The following TFCP2 variants were observed in gnomAD, a reference collection of about 807,000 sequenced individuals.
The protein encoded by TFCP2 is alpha-globin transcription factor CP2.
A neutral mutation model predicts 73.4 loss-of-function variants in TFCP2; 33 were observed. The observed-to-expected ratio is 0.45, with a 90% CI of 0.34 to 0.60. The LOEUF (loss-of-function observed/expected upper bound fraction) is 0.60. Ranked by LOEUF, TFCP2 falls within the 20% of genes least tolerant of loss-of-function variation. TFCP2 has a pLI of 0.01. For missense variants in TFCP2, 352 were observed against 604.0 expected (o/e 0.58, Z 4.37); for synonymous variants, 193 against 211.6 (o/e 0.91, Z 0.76).
intron 1 of TFCP2, among the ~76,000 whole-genome samples, chr12:51,132,954 G>A (rs7960097): frequency 0.1 from 15,136 of 152,104 alleles, 869 homozygotes; most frequent in African/African-American, 0.16. Context: ...AGAACTGCAC[G>A]GTCAATCCAC....
At chr12:51,117,851 TTATTAG>T in intron 2 of TFCP2, 104 bp from the exon 3 acceptor site, 1 of 682,782 alleles carries the variant, frequency 1.5e-6, no homozygotes, top group East Asian at 2.8e-5. Flanking sequence ...TATAATAATA[TTATTAG>T]TATTAGTAAC....
chr12:51,133,803 T>C (rs1387180136), intron 1 of TFCP2, among the ~76,000 whole-genome samples: 1 of 151,900 alleles, frequency 6.6e-6, no homozygotes, highest in Admixed American at 6.6e-5. Context: ...GGCAGGTGCC[T>C]GTAGGTTACT....
At chr12:51,124,748 G>T in intron 1 of TFCP2, 1 of 741,174 alleles carries the variant, frequency 1.3e-6, no homozygotes, top group Non-Finnish European at 2.5e-6. Flanking sequence ...CAGAGATCAC[G>T]GCTGCCTTTT....
intron 8 of TFCP2, among the ~76,000 whole-genome samples, chr12:51,105,714 A>G (rs1940219362): frequency 1.3e-5 from 2 of 152,158 alleles, no homozygotes; most frequent in South Asian, 2.1e-4. Context: ...TACAACTAAT[A>G]CCTACTTTTA....
At position 51,103,316 on chromosome 12, in the gene TFCP2, T is replaced by C. The variant is rs1940155628; in HGVS notation, c.1060+354A>G. 2.0e-5 allele frequency among the ~76,000 whole-genome samples: 3 copies of C among 152,186 alleles called. No individual in the cohort carries two copies. In the South Asian group the frequency reaches 6.2e-4, roughly 32 times the overall value. ...AGAAAAAAAAAGCTAAATAAAAGTG[T>C]ATTGTGTAAATGAAATAAATTATAG... On this transcript the variant is annotated intron_variant, in intron 10 of 14. Transcript: ENST00000257915.
chr12:51,139,747 C>T (rs911285074), intron 1 of TFCP2, among the ~76,000 whole-genome samples: 1 of 108,776 alleles, frequency 9.2e-6, no homozygotes, highest in Non-Finnish European at 2.0e-5. Context: ...CCTTGGGGTC[C>T]ACCTGCTCTC....
rs1290699234 is a variant in TFCP2, at chr12:51,098,775, C to T, written c.1419+1G>A. On this transcript the variant is annotated splice_donor_variant, in intron 13 of 14. Coordinates refer to ENST00000257915, the MANE Select transcript of TFCP2 (RefSeq NM_005653.5). LOFTEE classifies it high-confidence loss of function. ...TAATTCAACTGTACTGAAAAATCTA[C>T]CTCATCACTGATGAGCACATGAATT... 1 of 1,613,954 alleles carries T rather than the reference C, an allele frequency of 6.2e-7. No homozygotes were observed. Among genetic ancestry groups the T allele is most frequent in the Non-Finnish European group, 8.5e-7 (1 of 1,179,974 alleles).
chr12:51,109,261 TA>T lies in TFCP2; in HGVS notation c.576del (p.Ser193AlafsTer6), dbSNP rs1940334414. 6.2e-7 allele frequency: 1 copy of T among 1,614,058 alleles called. No homozygotes were observed. Among genetic ancestry groups the T allele is most frequent in the African/African-American group, 1.3e-5 (1 of 74,932 alleles). On this transcript the variant is annotated frameshift_variant, in exon 6 of 15. Transcript: ENST00000257915. LOFTEE classifies it high-confidence loss of function. ...RTSVFIQVHCISTEFTMRKHG... is the reference protein window; with the variant it reads ...RTSVFIQVHCXSTEFTMRKHG... ...TGTTTCCTCATAGTGAACTCTGTGC[TA>T]ATACAGTGCACCTGAAAAGAATACA...
At chr12:51,157,162 T>C (rs1317413933) in intron 1 of TFCP2, among the ~76,000 whole-genome samples, 1 of 151,994 alleles carries the variant, frequency 6.6e-6, no homozygotes, top group African/African-American at 2.4e-5. Context: ...ATTACAGGCA[T>C]GTGCCACTAC....
intron 1 of TFCP2, among the ~76,000 whole-genome samples, chr12:51,158,500 G>GTTTTT (rs1285566470): frequency 6.6e-6 from 1 of 151,804 alleles, no homozygotes; most frequent in African/African-American, 2.4e-5. Context: ...TTGTTTGTTT[G>GTTTTT]TTTTTTAAGA....
At chr12:51,128,498 A>AAC (rs1566214551) in intron 1 of TFCP2, among the ~76,000 whole-genome samples, 4 of 149,034 alleles carry the variant, frequency 2.7e-5, no homozygotes, top group South Asian at 4.3e-4. Context: ...AAAAACAAAA[A>AAC]AAACAAACTA....
intron 1 of TFCP2, among the ~76,000 whole-genome samples, chr12:51,134,340 G>A (rs892416462): frequency 3.3e-5 from 5 of 151,854 alleles, no homozygotes; most frequent in African/African-American, 7.3e-5. Context: ...GCTGGAGTCC[G>A]GTGGTGCAAT....
chr12:51,158,700 G>A (rs1030609206), intron 1 of TFCP2, among the ~76,000 whole-genome samples: 2 of 151,486 alleles, frequency 1.3e-5, no homozygotes, highest in African/African-American at 4.8e-5. Flanking sequence ...TGTTAGCCAG[G>A]CTGGTCTCAA....
intron 1 of TFCP2, among the ~76,000 whole-genome samples, chr12:51,143,146 G>C (rs2137018609): frequency 6.6e-6 from 1 of 151,822 alleles, no homozygotes; most frequent in Admixed American, 6.6e-5. Context: ...ATACATTTAA[G>C]TATCTCTTTA....
chr12:51,141,095 T>A (rs1243578372), intron 1 of TFCP2, among the ~76,000 whole-genome samples: 1 of 23,808 alleles, frequency 4.2e-5, no homozygotes, highest in Non-Finnish European at 2.3e-4. Flanking sequence ...AAAAATAATA[T>A]TTTTTACATT....
Position 51,094,628 on chromosome 12 carries a change from G to A in TFCP2, c.*613C>T, listed in dbSNP as rs2136953636. The A allele has an allele frequency of 1.3e-5, 2 of 152,614 alleles. No individual in the cohort carries two copies. The highest frequency in any genetic ancestry group is 4.1e-4 in the South Asian group (2 of 4,832). 9.5% of individuals were successfully genotyped at this position (152,614 alleles called of 1,614,324 possible). On this transcript the variant is annotated 3_prime_UTR_variant, in exon 15 of 15. Transcript: ENST00000257915. ...CCTACTTCAGATAGTGTGATTAGGG[G>A]GTTAAACAAGATGGTCATTCAAAAA...
At position 51,098,891 on chromosome 12, in the gene TFCP2, A is replaced by G. The variant is rs938520043; in HGVS notation, c.1304T>C (p.Leu435Pro). ...FVYHAIYLEELTAVELTEKIA... is the reference protein window; with the variant it reads ...FVYHAIYLEEPTAVELTEKIA... ...TTTTTCTGTCAATTCAACAGCTGTT[A>G]GTTCTTCTAGATAGATAGCATGGTA... The change falls in exon 13 of 15, where the codon CTA (leucine) becomes CCA (proline). Residue 435 changes from leucine (L) to proline (P), a missense_variant. Leu to Pro is a moderately conservative substitution (Grantham distance 98). Around this residue, in one of 6 missense-constraint regions of TFCP2, gnomAD observed 194 missense variants for 256.3 expected, o/e 0.76. Coordinates refer to ENST00000257915, the MANE Select transcript of TFCP2 (RefSeq NM_005653.5). The G allele has an allele frequency of 1.2e-6, 2 of 1,614,028 alleles. No homozygotes were observed. Among genetic ancestry groups the G allele is most frequent in the Admixed American group, 1.7e-5 (1 of 59,994 alleles).
At chr12:51,147,801 A>G (rs1307781182) in intron 1 of TFCP2, among the ~76,000 whole-genome samples, 1 of 152,218 alleles carries the variant, frequency 6.6e-6, no homozygotes, top group Non-Finnish European at 1.5e-5. Context: ...GATGAGACTT[A>G]ATTAAACTAA....
intron 11 of TFCP2, among the ~76,000 whole-genome samples, chr12:51,101,694 G>T (rs2136962074): frequency 6.6e-6 from 1 of 152,236 alleles, no homozygotes; most frequent in South Asian, 2.1e-4. Flanking sequence ...TCATGAAAAG[G>T]ATGATGAATT....
Sources: gnomAD v4.1 joint callset for allele counts (sites outside exome capture counted in the v4.1 genomes callset) on GRCh38, gnomAD v4.1.1 for gene constraint, gnomAD v4.1.1 regional missense constraint, MANE v1.5 for transcripts, NCBI Gene and HGNC (gene_info 2026-07-23, HGNC 2026-07-21) for gene names.